DRC4: variants seen among roughly 807,000 people sequenced by gnomAD.
DRC4 encodes GAS-11.
At chr16:90,040,613 C>A in the DRC4 span, 2 of 1,080,178 alleles carry the variant, frequency 1.9e-6, no homozygotes, top group Non-Finnish European at 2.6e-6. Context: ...ACCCCTCGGT[C>A]GGCCACTGAG....
the DRC4 span, chr16:90,042,620 C>T: frequency 2.7e-6 from 3 of 1,126,440 alleles, no homozygotes; most frequent in Non-Finnish European, 2.7e-6. Flanking sequence ...AGGACCCCAC[C>T]TGTGCCCACT....
chr16:90,029,110 A>G, the DRC4 span: 30 of 1,285,518 alleles, frequency 2.3e-5, no homozygotes, highest in African/African-American at 4.8e-4. Flanking sequence ...CTGTGGAGAC[A>G]GGCCTTGTGG....
the DRC4 span, among the ~76,000 whole-genome samples, chr16:90,024,238 A>G: frequency 1.3e-5 from 2 of 151,902 alleles, no homozygotes; most frequent in East Asian, 3.9e-4. Context: ...TTGAACCTGG[A>G]AGGTAGAGGT....
At chr16:90,029,315 C>G in the DRC4 span, 1 of 1,364,976 alleles carries the variant, frequency 7.3e-7, no homozygotes, top group Non-Finnish European at 9.8e-7. Flanking sequence ...CCTGGAGACT[C>G]CTGCCCCGCA....
the DRC4 span, chr16:90,037,039 A>G: frequency 3.3e-6 from 2 of 612,158 alleles, no homozygotes; most frequent in Admixed American, 6.3e-5. Context: ...TGGAAGCTGC[A>G]TTCCCAGAAA....
At chr16:90,029,434 G>T in the DRC4 span, 1 of 792,906 alleles carries the variant, frequency 1.3e-6, no homozygotes, top group Admixed American at 3.0e-5. Context: ...ATATTTATAA[G>T]AAATCTGAAT....
the DRC4 span, chr16:90,044,684 G>T: frequency 2.2e-6 from 1 of 459,704 alleles, no homozygotes; most frequent in South Asian, 1.6e-5. Context: ...AGCTTTCCTG[G>T]GTCTGCATCC....
chr16:90,038,242 C>T, the DRC4 span, among the ~76,000 whole-genome samples: 1 of 152,174 alleles, frequency 6.6e-6, no homozygotes. Context: ...TCCGGCTGCT[C>T]AGTGCTGGTC....
the DRC4 span, chr16:90,044,280 A>C: frequency 2.3e-6 from 1 of 440,456 alleles, no homozygotes; most frequent in East Asian, 7.0e-5. Context: ...GCCTCCCCAC[A>C]AAGCCTGACC....
chr16:90,043,372 G>C, the DRC4 span: 3 of 1,595,800 alleles, frequency 1.9e-6, no homozygotes, highest in African/African-American at 1.3e-5. Flanking sequence ...CCACAGCCCA[G>C]AGAACCAGCC....
chr16:90,027,155 G>A, the DRC4 span, among the ~76,000 whole-genome samples: 2 of 149,182 alleles, frequency 1.3e-5, no homozygotes, highest in East Asian at 2.0e-4. Flanking sequence ...GTGTGATCTC[G>A]GCTCACTGCA....
the DRC4 span, chr16:90,042,925 G>T: frequency 3.1e-5 from 16 of 524,174 alleles, no homozygotes; most frequent in African/African-American, 3.8e-5. Context: ...AGCCCTCCCA[G>T]ACCACAGCTC....
the DRC4 span, chr16:90,035,566 C>T: frequency 1.2e-6 from 2 of 1,606,968 alleles, no homozygotes; most frequent in African/African-American, 1.3e-5. Context: ...GGAACAGGGT[C>T]AGCCTGAAGG....
chr16:90,019,864 C>G, the DRC4 span: 1 of 682,530 alleles, frequency 1.5e-6, no homozygotes, highest in South Asian at 1.5e-5. The surrounding 1 kb of genome is among the most constrained non-coding windows in gnomAD (Gnocchi z 6.1). Context: ...ATGACAGACT[C>G]ACAGAGCGCC....
the DRC4 span, among the ~76,000 whole-genome samples, chr16:90,024,123 T>TACAC: frequency 0.011 from 1,530 of 139,444 alleles, 21 homozygotes; most frequent in African/African-American, 0.024. Context: ...TTACTAAAAA[T>TACAC]ACACACACAC....
the DRC4 span, chr16:90,040,372 T>A: frequency 6.2e-7 from 1 of 1,609,688 alleles, no homozygotes; most frequent in Non-Finnish European, 8.5e-7. Context: ...GAAGACAGGG[T>A]TCAAGAACCT....
chr16:90,040,314 G>C, the DRC4 span: 1 of 1,589,124 alleles, frequency 6.3e-7, no homozygotes, highest in South Asian at 1.1e-5. Flanking sequence ...AGCAGGAGCG[G>C]GACGAGCTCT....
At chr16:90,032,205 G>A in the DRC4 span, among the ~76,000 whole-genome samples, 2 of 150,638 alleles carry the variant, frequency 1.3e-5, no homozygotes, top group African/African-American at 4.9e-5. Flanking sequence ...TGTGTTACAG[G>A]TACGGTGCAG....
the DRC4 span, chr16:90,029,052 T>C: frequency 1.6e-6 from 2 of 1,230,048 alleles, no homozygotes; most frequent in Admixed American, 2.8e-5. Context: ...AACACTGCGT[T>C]GTCCCAGCAT....
Sources: gnomAD v4.1 joint callset for allele counts (sites outside exome capture counted in the v4.1 genomes callset) on GRCh38, gnomAD v4.1.1 for gene constraint, Gnocchi (gnomAD v3.1) non-coding constraint, MANE v1.5 for transcripts, NCBI Gene and HGNC (gene_info 2026-07-23, HGNC 2026-07-21) for gene names.